ABCA12: variants seen among roughly 807,000 people sequenced by gnomAD.
ABCA12 encodes the protein ATP binding cassette subfamily A member 12.
ABCA12 carries 156 observed loss-of-function variants against 293.5 expected under a neutral mutation model. The ratio of observed to expected loss-of-function variants is 0.53; its 90% CI spans 0.47 to 0.61. The LOEUF (loss-of-function observed/expected upper bound fraction) is 0.61. Among genes scored for constraint, ABCA12 ranks in the 20% least tolerant of loss-of-function variants. The probability of loss-of-function intolerance (pLI) is 0.00; values close to 1 mark genes in which losing one functional copy is unlikely to be tolerated. For synonymous variants in ABCA12, 1,063 were observed against 1,108.0 expected (o/e 0.96, Z 0.81); for missense variants, 2,797 against 3,090.2 (o/e 0.91, Z 2.25).
chr2:214,999,668 G>C (rs995821814), intron 22 of ABCA12: 21 of 300,610 alleles, frequency 7.0e-5, no homozygotes, highest in Non-Finnish European at 1.0e-4. Flanking sequence ...TGACCCCATA[G>C]ATCTTTATAA....
chr2:215,092,014 A>G (rs548018231), intron 2 of ABCA12, among the ~76,000 whole-genome samples: 5 of 152,306 alleles, frequency 3.3e-5, no homozygotes, highest in African/African-American at 4.8e-5. Flanking sequence ...TGCTGGCCCA[A>G]AGCTCTCTGA....
intron 19 of ABCA12, among the ~76,000 whole-genome samples, chr2:215,006,053 G>A (rs1370770150): frequency 4.6e-5 from 7 of 151,980 alleles, no homozygotes; most frequent in South Asian, 2.1e-4. Flanking sequence ...CTCAATAATC[G>A]AAAATAATTA....
chr2:214,974,871 T>C lies in ABCA12; in HGVS notation c.5382-7A>G. On this transcript the variant is annotated splice_polypyrimidine_tract_variant and splice_region_variant and intron_variant, in intron 34 of 52. Transcript: ENST00000272895. ...CGTGCTCGGGTGATAATTACTGCAA[T>C]ATGAAAGGACAGAAACAAATTCATG... 6.2e-7 allele frequency: 1 copy of C among 1,612,350 alleles called. No individual in the cohort carries two copies. The highest frequency in any genetic ancestry group is 8.5e-7 in the Non-Finnish European group (1 of 1,178,422).
rs1323610327 is a variant in ABCA12 at position 215,010,272 on chromosome 2, T to C, written c.2472+59A>G. ...AGTCAGCTAAAGTAAATTTGGAAGT[T>C]GACTACTTTAAAAAACATCTTAATA... On this transcript the variant is annotated intron_variant, in intron 18 of 52. Transcript: ENST00000272895. 2.3e-5 allele frequency: 37 copies of C among 1,593,460 alleles called. No homozygotes were observed. The South Asian group carries it at 3.9e-4, about 17-fold the overall frequency.
intron 31 of ABCA12, among the ~76,000 whole-genome samples, chr2:214,979,497 A>AT (rs1442628351): frequency 6.6e-6 from 1 of 151,942 alleles, no homozygotes; most frequent in Non-Finnish European, 1.5e-5. Context: ...ATTTCTATCC[A>AT]TAGCATAGAA....
chr2:215,055,170 G>A (rs558825962), intron 3 of ABCA12, among the ~76,000 whole-genome samples: 161 of 152,204 alleles, frequency 1.1e-3, no homozygotes, highest in African/African-American at 3.4e-3. Flanking sequence ...TACCCAGTAT[G>A]TGCCAGGAAT....
At chr2:215,000,236 T>G (rs1700114797) in intron 22 of ABCA12, among the ~76,000 whole-genome samples, 1 of 152,238 alleles carries the variant, frequency 6.6e-6, no homozygotes, top group East Asian at 1.9e-4. Flanking sequence ...CTGAAATAGT[T>G]GATCAAAATG....
chr2:215,099,676 A>C (rs1702314946), intron 2 of ABCA12, among the ~76,000 whole-genome samples: 1 of 140,884 alleles, frequency 7.1e-6, no homozygotes, highest in Non-Finnish European at 1.5e-5. Flanking sequence ...TTGGTGACAG[A>C]GCGAGACTTC....
chr2:215,041,162 T>C (rs1306549685), intron 7 of ABCA12, among the ~76,000 whole-genome samples: 1 of 152,212 alleles, frequency 6.6e-6, no homozygotes, highest in African/African-American at 2.4e-5. Flanking sequence ...TTACAACATG[T>C]GGTATGCCAT....
Position 215,116,060 on chromosome 2 carries a change from G to C in ABCA12, c.70-4370C>G, listed in dbSNP as rs551311652. Among the ~76,000 whole-genome samples, 3 of 152,336 alleles carry C rather than the reference G, an allele frequency of 2.0e-5. No individual in the cohort carries two copies. In the South Asian group the frequency reaches 6.2e-4, roughly 32 times the overall value. ...CAAGGTAATTATAACAATTGGAAAA[G>C]AAGGAAACTAGAATGATCTTGGTAG... On this transcript the variant is annotated intron_variant, in intron 1 of 52. Transcript: ENST00000272895.
intron 2 of ABCA12, among the ~76,000 whole-genome samples, chr2:215,076,845 CATA>C (rs947577565): frequency 1.3e-5 from 2 of 152,132 alleles, no homozygotes; most frequent in African/African-American, 4.8e-5. Flanking sequence ...CTGAGCAAAA[CATA>C]ATGTTGAGCC....
chr2:215,117,924 T>C (rs1702718488), intron 1 of ABCA12, among the ~76,000 whole-genome samples: 1 of 152,210 alleles, frequency 6.6e-6, no homozygotes, highest in Non-Finnish European at 1.5e-5. Context: ...GTTATTGTTT[T>C]CGATGAAATG....
At chr2:215,007,532 A>T (rs1700280278) in intron 19 of ABCA12, among the ~76,000 whole-genome samples, 195 bp downstream of exon 19, 1 of 152,240 alleles carries the variant, frequency 6.6e-6, no homozygotes, top group Non-Finnish European at 1.5e-5. Flanking sequence ...GAGCTGCAGT[A>T]CCAGAGGTGA....
In ABCA12 at chr2:215,138,521, T is replaced by A; in HGVS notation, c.-313A>T. On this transcript the variant is annotated 5_prime_UTR_variant, in exon 1 of 53. An upstream open reading frame in the 5' UTR loses its in-frame stop. Coordinates refer to ENST00000272895, the MANE Select transcript of ABCA12 (RefSeq NM_173076.3). Reference sequence around the variant, plus strand: ...GCTGCTTGTTGCACGAAGTCCAGACTCAAGAGAGAATGAGCATCATTCAGA... The same window carrying A: ...GCTGCTTGTTGCACGAAGTCCAGACACAAGAGAGAATGAGCATCATTCAGA... 1 of 368,562 alleles carries A rather than the reference T, an allele frequency of 2.7e-6. No individual in the cohort carries two copies. Among genetic ancestry groups the A allele is most frequent in the South Asian group, 2.5e-5 (1 of 40,000 alleles). 22.8% of individuals were successfully genotyped at this position (368,562 alleles called of 1,614,324 possible).
chr2:214,945,269 T>C (rs1698547157), intron 48 of ABCA12, among the ~76,000 whole-genome samples, 165 bp from the exon 49 acceptor site: 1 of 152,216 alleles, frequency 6.6e-6, no homozygotes, highest in Admixed American at 6.5e-5. Context: ...TGTCAAAAAG[T>C]TCAAAATTAA....
chr2:214,947,415 C>T lies in ABCA12; in HGVS notation c.7239+7G>A. The T allele has an allele frequency of 6.2e-7, 1 of 1,613,760 alleles. No individual in the cohort carries two copies. The highest frequency in any genetic ancestry group is 8.5e-7 in the Non-Finnish European group (1 of 1,179,754). ...GGAGTGGCCTGTTTAAATAATGATTCTCTTACCAGCAGTAGAATGGAAGGT... is the reference window on the plus strand; with the variant it reads ...GGAGTGGCCTGTTTAAATAATGATTTTCTTACCAGCAGTAGAATGGAAGGT... On this transcript the variant is annotated splice_region_variant and intron_variant, in intron 48 of 52. Transcript: ENST00000272895.
intron 51 of ABCA12, among the ~76,000 whole-genome samples, chr2:214,936,511 T>A (rs947591561): frequency 1.3e-5 from 2 of 152,222 alleles, no homozygotes; most frequent in Admixed American, 1.3e-4. Flanking sequence ...AAACAATCAT[T>A]TGAAATCATC....
chr2:214,949,322 T>C (rs1199649230), intron 45 of ABCA12, among the ~76,000 whole-genome samples, 173 bp from the exon 46 acceptor site: 1 of 151,372 alleles, frequency 6.6e-6, no homozygotes, highest in African/African-American at 2.4e-5. Context: ...TTAAAACAAA[T>C]GGATACCATG....
At chr2:214,949,327 A>T (rs1343219015) in intron 45 of ABCA12, among the ~76,000 whole-genome samples, 178 bp from the exon 46 acceptor site, 2 of 151,390 alleles carry the variant, frequency 1.3e-5, no homozygotes, top group East Asian at 3.9e-4. Flanking sequence ...ACAAATGGAT[A>T]CCATGTATTC....
Sources: allele counts gnomAD v4.1 joint callset (sites outside exome capture counted in the v4.1 genomes callset), GRCh38; gene constraint gnomAD v4.1.1; transcripts MANE v1.5; gene names NCBI Gene and HGNC (gene_info 2026-07-23, HGNC 2026-07-21).